Variants in TTI1 observed in about 807,000 individuals in gnomAD.
TTI1 encodes TELO2 interacting protein 1.
Under a neutral mutation model 85.4 loss-of-function variants are expected in TTI1, and 52 were observed. The observed-to-expected ratio is 0.61, with a 90% CI of 0.49 to 0.77. The LOEUF is 0.77. Among genes scored for constraint, TTI1 ranks in the 30% least tolerant of loss-of-function variants. TTI1 has a pLI of 0.00. For missense variants in TTI1, 1,173 were observed against 1,296.0 expected (o/e 0.91, Z 1.46); for synonymous variants, 512 against 503.9 (o/e 1.02, Z -0.22).
chr20:38,012,570 T>A lies in TTI1; in HGVS notation c.1247A>T (p.Asn416Ile). The A allele has an allele frequency of 6.2e-7, 1 of 1,614,058 alleles. No homozygotes were observed. The highest frequency in any genetic ancestry group is 8.5e-7 in the Non-Finnish European group (1 of 1,180,012). ...ATGGGCCACAGAGTTGAGGACAAAG[T>A]TTATTTTTGGGCCCAAGAGTTTCAG... Reference protein sequence around the residue: ...GYLKLLGPKINFVLNSVAHLQ... With the variant: ...GYLKLLGPKIIFVLNSVAHLQ... The change falls in exon 2 of 8, where the codon AAC (asparagine) becomes ATC (isoleucine). Residue 416 changes from asparagine to isoleucine, a missense_variant. Physicochemically the swap from Asn to Ile is moderately radical, Grantham distance 149 (BLOSUM62 -3). Transcript: ENST00000373447.
At chr20:37,994,633 A>G (rs1471112236) in intron 7 of TTI1, among the ~76,000 whole-genome samples, 3 of 152,074 alleles carry the variant, frequency 2.0e-5, no homozygotes, top group South Asian at 2.1e-4. Context: ...CCCAACTTCA[A>G]GATAAGTTTG....
intron 7 of TTI1, among the ~76,000 whole-genome samples, chr20:37,989,079 A>G (rs771990852): frequency 2.6e-5 from 4 of 152,196 alleles, no homozygotes; most frequent in African/African-American, 7.2e-5. Flanking sequence ...CTTTCTTGCT[A>G]TTCAATTTAG....
At chr20:38,017,435 T>G (rs763149807) in intron 1 of TTI1, among the ~76,000 whole-genome samples, 2 of 146,132 alleles carry the variant, frequency 1.4e-5, no homozygotes, top group Admixed American at 6.8e-5. Context: ...TGTGTGTGTG[T>G]GCGCGCGCGC....
At chr20:37,999,419 C>A in intron 4 of TTI1, 91 bp from the exon 5 acceptor site, 2 of 1,279,292 alleles carry the variant, frequency 1.6e-6, no homozygotes, top group South Asian at 5.5e-5. Context: ...CATTTAGAAA[C>A]GTATTAATTG....
intron 7 of TTI1, among the ~76,000 whole-genome samples, chr20:37,988,097 G>C (rs572210242): frequency 1.3e-5 from 2 of 152,340 alleles, no homozygotes; most frequent in South Asian, 2.1e-4. Context: ...GGACAAAAAA[G>C]CCTCTGCCCT....
intron 7 of TTI1, among the ~76,000 whole-genome samples, chr20:37,985,610 C>T: frequency 6.6e-6 from 1 of 151,912 alleles, no homozygotes. Context: ...TCACTGCAAC[C>T]TTCACCTTCT....
intron 1 of TTI1, among the ~76,000 whole-genome samples, chr20:38,015,364 C>G (rs143452574): frequency 3.0e-4 from 46 of 152,308 alleles, no homozygotes; most frequent in Non-Finnish European, 5.0e-4. Context: ...AAGCTTGACT[C>G]TTCCCTATCT....
At chr20:38,004,259 C>T (rs6068478) in intron 3 of TTI1, among the ~76,000 whole-genome samples, 40,180 of 152,006 alleles carry the variant, frequency 0.26, 7,012 homozygotes, top group African/African-American at 0.51. Context: ...AGGTCAAAAT[C>T]CTTACCCTGA....
intron 1 of TTI1, among the ~76,000 whole-genome samples, chr20:38,024,303 A>G (rs2073808515): frequency 6.6e-6 from 1 of 152,204 alleles, no homozygotes; most frequent in East Asian, 1.9e-4. Flanking sequence ...ATGAATACAA[A>G]TAGAAAACTT....
intron 7 of TTI1, among the ~76,000 whole-genome samples, chr20:37,991,927 C>A (rs1208097220): frequency 6.6e-6 from 1 of 152,186 alleles, no homozygotes; most frequent in Non-Finnish European, 1.5e-5. Context: ...CCCCAGTTTA[C>A]AGAGGAAGAA....
intron 5 of TTI1, among the ~76,000 whole-genome samples, chr20:37,998,235 CCT>C (rs1349757803): frequency 6.7e-6 from 1 of 148,658 alleles, no homozygotes; most frequent in Admixed American, 6.7e-5. Context: ...GCCTAATCTC[CCT>C]CTTTCTTTGG....
chr20:38,023,543 A>G (rs889929044), intron 1 of TTI1, among the ~76,000 whole-genome samples: 27 of 152,284 alleles, frequency 1.8e-4, no homozygotes, highest in African/African-American at 6.5e-4. Context: ...TCAATAATCC[A>G]TCTGGTTGCA....
chr20:38,012,013 AG>A lies in TTI1; in HGVS notation c.1803del (p.Cys602AlafsTer7). ...GLQAITSGEH[T>X]CQVTSFLAFS... ...AAGGCTAGAAAAGATGTAACTTGGC[AG>A]GTGTGTTCACCAGACGTGATGGCTT... On this transcript the variant is annotated frameshift_variant, in exon 2 of 8. Transcript: ENST00000373447. LOFTEE classifies it high-confidence loss of function. 3.1e-6 allele frequency: 5 copies of A among 1,614,266 alleles called. No individual in the cohort carries two copies. The highest frequency in any genetic ancestry group is 4.2e-6 in the Non-Finnish European group (5 of 1,180,050).
intron 7 of TTI1, among the ~76,000 whole-genome samples, chr20:37,994,056 A>G (rs185772915): frequency 5.9e-5 from 9 of 152,228 alleles, no homozygotes; most frequent in Middle Eastern, 3.4e-3. Flanking sequence ...AAGGAAAGAG[A>G]AGAATTAAGA....
At chr20:38,007,712 A>T (rs1226265387) in intron 2 of TTI1, among the ~76,000 whole-genome samples, 1 of 152,226 alleles carries the variant, frequency 6.6e-6, no homozygotes, top group Non-Finnish European at 1.5e-5. Flanking sequence ...TCTCCTTTTC[A>T]TCAAAGAGCA....
intron 7 of TTI1, among the ~76,000 whole-genome samples, chr20:37,987,839 G>A (rs965028307): frequency 6.6e-6 from 1 of 152,130 alleles, no homozygotes; most frequent in Admixed American, 6.6e-5. Context: ...TACAACTGAC[G>A]GCTATCAGTA....
At chr20:38,026,679 A>C (rs2073840295) in intron 1 of TTI1, among the ~76,000 whole-genome samples, 1 of 152,228 alleles carries the variant, frequency 6.6e-6, no homozygotes, top group Non-Finnish European at 1.5e-5. Context: ...ATGGCTAAAG[A>C]AAGTTCTCTA....
At chr20:37,986,081 T>C (rs2073186513) in intron 7 of TTI1, among the ~76,000 whole-genome samples, 2 of 152,208 alleles carry the variant, frequency 1.3e-5, no homozygotes, top group African/African-American at 4.8e-5. Context: ...CAGATTTCTA[T>C]TTACACGTGA....
intron 1 of TTI1, among the ~76,000 whole-genome samples, chr20:38,030,806 GACCCATAA>G (rs2073896671): frequency 6.6e-6 from 1 of 152,052 alleles, no homozygotes; most frequent in Non-Finnish European, 1.5e-5. Flanking sequence ...TTGAATTCCA[GACCCATAA>G]ACCCAACTGC....
Sources: gnomAD v4.1 joint callset for allele counts (sites outside exome capture counted in the v4.1 genomes callset) on GRCh38, gnomAD v4.1.1 for gene constraint, MANE v1.5 for transcripts, NCBI Gene and HGNC (gene_info 2026-07-23, HGNC 2026-07-21) for gene names.